The following ARHGEF26 variants were observed in gnomAD, a reference collection of about 807,000 sequenced individuals.
The protein encoded by ARHGEF26 is Rho guanine nucleotide exchange factor (GEF) 26.
ARHGEF26 carries 59 observed loss-of-function variants against 89.4 expected under a neutral mutation model. That is an observed-to-expected ratio of 0.66 (90% CI 0.54 to 0.82). The LOEUF is 0.82. ARHGEF26 is among the 40% of genes least tolerant of loss of function. The probability of loss-of-function intolerance (pLI) is 0.00; values close to 1 mark genes in which losing one functional copy is unlikely to be tolerated. For synonymous variants in ARHGEF26, 500 were observed against 428.4 expected, an observed-to-expected ratio of 1.17 and a Z score of -2.06; for missense variants, 1,234 against 1,085.6, an observed-to-expected ratio of 1.14 and a Z score of -1.92.
At chr3:154,227,386 C>T (rs575425713) in intron 11 of ARHGEF26, among the ~76,000 whole-genome samples, 1 of 151,694 alleles carries the variant, frequency 6.6e-6, no homozygotes, top group African/African-American at 2.4e-5. Context: ...GGCTCCGCCT[C>T]CCGGGTTCAC....
chr3:154,202,354 C>G (rs765079237), intron 9 of ARHGEF26, among the ~76,000 whole-genome samples: 7 of 152,110 alleles, frequency 4.6e-5, no homozygotes, highest in East Asian at 1.9e-4. Flanking sequence ...GTTCTGTTCC[C>G]TTGGTCTATA....
intron 9 of ARHGEF26, among the ~76,000 whole-genome samples, chr3:154,204,183 G>T (rs1422998491): frequency 3.9e-5 from 6 of 152,046 alleles, no homozygotes; most frequent in South Asian, 4.1e-4. Flanking sequence ...CTTGTTACTG[G>T]TCTATTCAGC....
chr3:154,152,558 C>G (rs1477762837), intron 5 of ARHGEF26, among the ~76,000 whole-genome samples: 2 of 152,048 alleles, frequency 1.3e-5, no homozygotes, highest in Non-Finnish European at 2.9e-5. Flanking sequence ...TTCATATTTA[C>G]AGATAGTGAT....
At chr3:154,174,237 G>A (rs1239840278) in intron 6 of ARHGEF26, among the ~76,000 whole-genome samples, 3 of 152,214 alleles carry the variant, frequency 2.0e-5, no homozygotes, top group Non-Finnish European at 1.5e-5. Context: ...TAAGCTCAGT[G>A]TTGCCAGATC....
chr3:154,128,372 G>A (rs1046025206), intron 3 of ARHGEF26, among the ~76,000 whole-genome samples: 1 of 152,008 alleles, frequency 6.6e-6, no homozygotes, highest in Admixed American at 6.6e-5. Flanking sequence ...CGAGTAGCTG[G>A]GACCACAGGG....
Position 154,190,017 on chromosome 3 carries a change from A to G in ARHGEF26, c.1641-1272A>G, listed in dbSNP as rs548484500. The stretch of plus-strand genomic sequence containing the variant: ...TGAACAAGATTATTTAATTTTCAAA[A>G]TAACATTTTTTTTAAAAAAAATGAC... On this transcript the variant is annotated intron_variant, in intron 7 of 14. Transcript: ENST00000465093. Among the ~76,000 whole-genome samples the G allele has an allele frequency of 1.8e-3, 275 of 152,200 alleles. 1 individual carries two copies. Among genetic ancestry groups the G allele is most frequent in the Non-Finnish European group, 2.2e-3 (149 of 67,996 alleles).
intron 9 of ARHGEF26, among the ~76,000 whole-genome samples, chr3:154,209,299 C>T (rs765122151): frequency 3.6e-4 from 54 of 152,074 alleles, no homozygotes; most frequent in Non-Finnish European, 6.6e-4. Flanking sequence ...GTCATGTTTT[C>T]CTGGATGGTG....
At chr3:154,190,681 C>T (rs577205487) in intron 7 of ARHGEF26, among the ~76,000 whole-genome samples, 1 of 152,310 alleles carries the variant, frequency 6.6e-6, no homozygotes, top group South Asian at 2.1e-4. Context: ...ATGTATGTCA[C>T]AGTATCTCGC....
chr3:154,140,588 CT>C (rs34090306), intron 4 of ARHGEF26, among the ~76,000 whole-genome samples: 29,775 of 134,520 alleles, frequency 0.22, 3,914 homozygotes, highest in East Asian at 0.45. Context: ...TTTCTGAGTG[CT>C]TTTTTTTTTT....
intron 6 of ARHGEF26, among the ~76,000 whole-genome samples, chr3:154,179,000 A>G (rs966636698): frequency 4.6e-5 from 7 of 152,200 alleles, no homozygotes; most frequent in African/African-American, 1.2e-4. Flanking sequence ...TTCGAGTTCT[A>G]CATGGTCTAG....
chr3:154,212,800 C>T (rs1260357138), intron 9 of ARHGEF26, among the ~76,000 whole-genome samples: 1 of 152,132 alleles, frequency 6.6e-6, no homozygotes, highest in Non-Finnish European at 1.5e-5. Context: ...CAGTAATGCT[C>T]ACTTGCCCTC....
At chr3:154,200,590 AAAG>A (rs1714566765) in intron 9 of ARHGEF26, among the ~76,000 whole-genome samples, 1 of 152,000 alleles carries the variant, frequency 6.6e-6, no homozygotes, top group Admixed American at 6.6e-5. Flanking sequence ...ATATTTTTGT[AAAG>A]AATGTCATTG....
chr3:154,218,233 G>T lies in ARHGEF26; in HGVS notation c.1935+275G>T, dbSNP rs1181795488. On this transcript the variant is annotated intron_variant, in intron 10 of 14. Transcript: ENST00000465093. ...GGGGAATAAATAAAATAATAGAATA[G>T]GGTAGTTAAAATAATAGAATTTTAG... Among the ~76,000 whole-genome samples, 15 of 152,188 alleles carry T rather than the reference G, an allele frequency of 9.9e-5. No individual in the cohort carries two copies. The East Asian group carries it at 2.7e-3, about 27-fold the overall frequency.
intron 4 of ARHGEF26, among the ~76,000 whole-genome samples, chr3:154,139,503 T>C (rs1719227859): frequency 1.3e-5 from 2 of 152,206 alleles, no homozygotes; most frequent in Non-Finnish European, 1.5e-5. Context: ...TGAAGAGTTC[T>C]GAATAACTGC....
rs927978539 is a variant in ARHGEF26 at position 154,121,933 on chromosome 3, C to T, written c.-51-9C>T. 3.6e-5 allele frequency: 55 copies of T among 1,517,064 alleles called. No individual in the cohort carries two copies. The highest frequency in any genetic ancestry group is 1.4e-4 in the South Asian group (11 of 76,168). The allele number at this position is 1,517,064 out of a possible 1,614,324, so 94.0% of individuals were successfully genotyped here. A position where few individuals can be genotyped will look rare whatever the true frequency, so the allele number is the denominator to read the frequency against. On this transcript the variant is annotated splice_polypyrimidine_tract_variant and intron_variant, in intron 1 of 14. Transcript: ENST00000465093. ...AGAGGCACAGTTTCCTAACTTCTTT[C>T]CTCTTTAGGCAAGACTAACTCGGTG... is the stretch of plus-strand genomic sequence containing the variant.
chr3:154,245,708 CA>C (rs772326195), intron 12 of ARHGEF26, among the ~76,000 whole-genome samples: 1 of 152,230 alleles, frequency 6.6e-6, no homozygotes, highest in Non-Finnish European at 1.5e-5. Flanking sequence ...TGTATGACTC[CA>C]AACTCCCAGC....
intron 11 of ARHGEF26, among the ~76,000 whole-genome samples, chr3:154,228,021 C>T (rs946346889): frequency 3.9e-5 from 6 of 152,156 alleles, no homozygotes; most frequent in Non-Finnish European, 1.5e-5. Flanking sequence ...TACTTAGTAG[C>T]GTACTTTGCC....
In ARHGEF26 at chr3:154,256,929, AAG is replaced by A. The variant is rs1452316685; in HGVS notation, c.*1459_*1460del. 2 of 1,534,804 alleles carry A rather than the reference AAG, an allele frequency of 1.3e-6. No individual in the cohort carries two copies. Among genetic ancestry groups the A allele is most frequent in the Non-Finnish European group, 1.7e-6 (2 of 1,146,522 alleles). Reference sequence around the variant, plus strand: ...TCATGGAGATGAAGGATGGGAGATTAAGAGGGGGGAAATGATTTTTACTGGCA... The same window carrying A: ...TCATGGAGATGAAGGATGGGAGATTAAGGGGGGAAATGATTTTTACTGGCA... On this transcript the variant is annotated 3_prime_UTR_variant, in exon 15 of 15. Coordinates refer to ENST00000465093, the MANE Select transcript of ARHGEF26 (RefSeq NM_015595.4).
intron 12 of ARHGEF26, among the ~76,000 whole-genome samples, chr3:154,252,373 G>A (rs144131530): frequency 5.8e-4 from 88 of 152,186 alleles, no homozygotes; most frequent in South Asian, 3.3e-3. Flanking sequence ...TGTGTGTGGC[G>A]GGGCAGTATT....
Sources: gnomAD v4.1 joint callset for allele counts (sites outside exome capture counted in the v4.1 genomes callset) on GRCh38, gnomAD v4.1.1 for gene constraint, MANE v1.5 for transcripts, NCBI Gene and HGNC (gene_info 2026-07-23, HGNC 2026-07-21) for gene names.